The following GPC5 variants were observed in gnomAD, a reference collection of about 807,000 sequenced individuals.
The protein encoded by GPC5 is glypican-5.
Under a neutral mutation model 53.9 loss-of-function variants are expected in GPC5, and 47 were observed. The ratio of observed to expected loss-of-function variants is 0.87; its 90% CI spans 0.69 to 1.11. The LOEUF is 1.11. Ranked by LOEUF, GPC5 falls within the 50% of genes most tolerant of loss-of-function variation. The pLI, the probability that GPC5 is intolerant of heterozygous loss-of-function variation, is 0.00. For synonymous variants in GPC5, 286 were observed against 263.3 expected, an observed-to-expected ratio of 1.09 and a Z score of -0.84; for missense variants, 748 against 713.1, an observed-to-expected ratio of 1.05 and a Z score of -0.56.
intron 7 of GPC5, among the ~76,000 whole-genome samples, chr13:92,613,439 A>AT (rs35010949): frequency 0.41 from 16,615 of 40,516 alleles, 2,026 homozygotes; most frequent in Non-Finnish European, 0.46. Flanking sequence ...TTTATATATA[A>AT]ATATATATAT....
At chr13:91,989,834 A>G (rs1475464205) in intron 6 of GPC5, among the ~76,000 whole-genome samples, 1 of 104,276 alleles carries the variant, frequency 9.6e-6, no homozygotes, top group Non-Finnish European at 1.9e-5. Context: ...AAATTTGTAT[A>G]CATATTGACT....
intron 2 of GPC5, among the ~76,000 whole-genome samples, chr13:91,589,683 A>G (rs2032726110): frequency 6.6e-6 from 1 of 152,126 alleles, no homozygotes; most frequent in African/African-American, 2.4e-5. Context: ...CAAAAAGTCA[A>G]CTTCATCATC....
chr13:92,094,520 CAAAAAAA>C (rs71200562), intron 6 of GPC5, among the ~76,000 whole-genome samples: 46 of 68,218 alleles, frequency 6.7e-4, no homozygotes, highest in African/African-American at 2.7e-3. Context: ...GACTCCGTCT[CAAAAAAA>C]AAAAAAAAAA....
At chr13:92,652,483 TG>T (rs1885989774) in intron 7 of GPC5, among the ~76,000 whole-genome samples, 1 of 152,156 alleles carries the variant, frequency 6.6e-6, no homozygotes, top group East Asian at 1.9e-4. Context: ...TTTTCTCTGC[TG>T]GTTCACTGCA....
At chr13:92,170,615 G>A (rs1374776028) in intron 7 of GPC5, among the ~76,000 whole-genome samples, 4 of 151,586 alleles carry the variant, frequency 2.6e-5, no homozygotes, top group Admixed American at 6.6e-5. Context: ...AGTAGAAACG[G>A]GGTTTCACCA....
chr13:92,218,102 A>G (rs974627590), intron 7 of GPC5, among the ~76,000 whole-genome samples: 3 of 151,656 alleles, frequency 2.0e-5, no homozygotes, highest in African/African-American at 7.3e-5. Flanking sequence ...TTTTAAAAAA[A>G]AATTTAGTAG....
intron 4 of GPC5, among the ~76,000 whole-genome samples, chr13:91,741,631 A>C (rs545407256): frequency 3.3e-5 from 5 of 152,338 alleles, no homozygotes; most frequent in African/African-American, 1.2e-4. Flanking sequence ...TTATAATAAA[A>C]AAACATAGAG....
chr13:91,529,104 T>C (rs1594212353), intron 2 of GPC5, among the ~76,000 whole-genome samples: 1 of 152,324 alleles, frequency 6.6e-6, no homozygotes, highest in East Asian at 1.9e-4. Flanking sequence ...GTATAATTAG[T>C]ACACATAGAG....
intron 5 of GPC5, among the ~76,000 whole-genome samples, chr13:91,793,592 AT>A (rs1475269945): frequency 1.3e-5 from 2 of 152,172 alleles, no homozygotes; most frequent in Admixed American, 6.5e-5. Flanking sequence ...AGCATCTGTT[AT>A]CCCCTTGTAT....
chr13:92,063,776 T>C (rs2041143044), intron 6 of GPC5, among the ~76,000 whole-genome samples: 1 of 152,120 alleles, frequency 6.6e-6, no homozygotes, highest in South Asian at 2.1e-4. Flanking sequence ...GTACCATAAA[T>C]GTTAGCATAA....
intron 7 of GPC5, among the ~76,000 whole-genome samples, chr13:92,747,607 C>G (rs943590799): frequency 6.6e-6 from 1 of 152,122 alleles, no homozygotes; most frequent in Non-Finnish European, 1.5e-5. Context: ...GACAAATTGC[C>G]TCCACATTAG....
rs955693504 is a variant in GPC5 at position 91,528,251 on chromosome 13, G to A, written c.325+79329G>A. Among the ~76,000 whole-genome samples, 16 of 152,212 alleles carry A rather than the reference G, an allele frequency of 1.1e-4. 1 individual carries two copies. In the Middle Eastern group the frequency reaches 0.01, roughly 97 times the overall value. ...TCTTTGTGAATGCATATGACTGTAC[G>A]CTTTCAGAAAAAGCCAGGTCACCTC... is the stretch of plus-strand genomic sequence containing the variant. On this transcript the variant is annotated intron_variant, in intron 2 of 7. Transcript: ENST00000377067.
At chr13:91,402,214 G>A (rs1330533179) in intron 1 of GPC5, among the ~76,000 whole-genome samples, 1 of 152,136 alleles carries the variant, frequency 6.6e-6, no homozygotes, top group African/African-American at 2.4e-5. Context: ...ATGCATGTTT[G>A]TTGATATAGA....
chr13:91,769,748 G>T (rs1343068888), intron 5 of GPC5, among the ~76,000 whole-genome samples: 1 of 152,076 alleles, frequency 6.6e-6, no homozygotes, highest in African/African-American at 2.4e-5. Flanking sequence ...AGTCATTGGT[G>T]GTTTCCACCT....
intron 7 of GPC5, among the ~76,000 whole-genome samples, chr13:92,397,696 AT>A (rs960313536): frequency 6.7e-6 from 1 of 150,326 alleles, no homozygotes; most frequent in African/African-American, 2.4e-5. Flanking sequence ...CTGCTTGTTC[AT>A]TTTTTTTTCT....
chr13:92,647,212 C>T (rs1408840575), intron 7 of GPC5, among the ~76,000 whole-genome samples: 1 of 151,976 alleles, frequency 6.6e-6, no homozygotes, highest in Non-Finnish European at 1.5e-5. Context: ...GGGGATATTC[C>T]TCAGTCTTTC....
chr13:92,273,414 A>T (rs2042853452), intron 7 of GPC5, among the ~76,000 whole-genome samples: 1 of 152,150 alleles, frequency 6.6e-6, no homozygotes, highest in Admixed American at 6.6e-5. Flanking sequence ...CACATTTGTA[A>T]ACAGGGATAA....
intron 7 of GPC5, among the ~76,000 whole-genome samples, chr13:92,162,215 G>A (rs1300260365): frequency 6.6e-6 from 1 of 151,766 alleles, no homozygotes; most frequent in Non-Finnish European, 1.5e-5. Context: ...GTCACTTACA[G>A]CTTCTTTATA....
chr13:92,018,860 G>A lies in GPC5; in HGVS notation c.1401+110803G>A, dbSNP rs113602612. On this transcript the variant is annotated intron_variant, in intron 6 of 7. Transcript: ENST00000377067. ...ATCATTTTTATGAAAATAATTCCTTGTTTGAAACCCAACACAAAAACTAAA... is the reference window on the plus strand; with the variant it reads ...ATCATTTTTATGAAAATAATTCCTTATTTGAAACCCAACACAAAAACTAAA... Among the ~76,000 whole-genome samples the A allele has an allele frequency of 2.0e-5, 3 of 151,916 alleles. 1 individual carries two copies. Among genetic ancestry groups the A allele is most frequent in the South Asian group, 4.2e-4 (2 of 4,818 alleles).
Sources: gnomAD v4.1 joint callset for allele counts (sites outside exome capture counted in the v4.1 genomes callset) on GRCh38, gnomAD v4.1.1 for gene constraint, MANE v1.5 for transcripts, NCBI Gene and HGNC (gene_info 2026-07-23, HGNC 2026-07-21) for gene names.